Variants in PRDM10 observed in about 807,000 individuals in gnomAD.
The protein encoded by PRDM10 is PR domain zinc finger protein 10.
PRDM10 carries 65 observed loss-of-function variants against 133.1 expected under a neutral mutation model. The observed-to-expected ratio is 0.49, with a 90% CI of 0.40 to 0.60. The LOEUF (loss-of-function observed/expected upper bound fraction) is 0.60. Among genes scored for constraint, PRDM10 ranks in the 20% least tolerant of loss-of-function variants. The probability of loss-of-function intolerance (pLI) is 0.00; values close to 1 mark genes in which losing one functional copy is unlikely to be tolerated. For synonymous variants in PRDM10, 582 were observed against 580.4 expected (o/e 1.00, Z -0.04); for missense variants, 1,137 against 1,507.1 (o/e 0.75, Z 4.07).
chr11:129,987,816 C>T (rs1472754746), intron 1 of PRDM10, among the ~76,000 whole-genome samples: 3 of 152,122 alleles, frequency 2.0e-5, no homozygotes, highest in African/African-American at 7.2e-5. Context: ...CTGGCTAACA[C>T]GGTGAAACCT....
At chr11:129,914,582 GC>G in intron 17 of PRDM10, 121 bp downstream of exon 17, 1 of 1,348,866 alleles carries the variant, frequency 7.4e-7, no homozygotes, top group East Asian at 2.4e-5. Flanking sequence ...GTTGTAAAAT[GC>G]CCAAGGCTCA....
chr11:129,961,118 T>C, intron 1 of PRDM10, 36 bp from the exon 2 acceptor site: 1 of 543,276 alleles, frequency 1.8e-6, no homozygotes. Context: ...AGACTTTCAG[T>C]AGATAAATAC....
chr11:129,958,331 A>G (rs922895163), intron 2 of PRDM10, among the ~76,000 whole-genome samples: 4 of 152,222 alleles, frequency 2.6e-5, no homozygotes, highest in African/African-American at 9.6e-5. Context: ...AGTGTCTTTC[A>G]GCAGACACAT....
chr11:130,001,917 G>C (rs1939411675), intron 1 of PRDM10, among the ~76,000 whole-genome samples: 1 of 151,062 alleles, frequency 6.6e-6, no homozygotes, highest in Admixed American at 6.6e-5. Flanking sequence ...GCGGTGCCAC[G>C]GGACAGACCC....
At chr11:129,990,712 T>G (rs905712099) in intron 1 of PRDM10, among the ~76,000 whole-genome samples, 4 of 152,172 alleles carry the variant, frequency 2.6e-5, no homozygotes, top group African/African-American at 9.6e-5. Context: ...CTCAAAGTGA[T>G]CCTCCCACTT....
chr11:130,002,196 C>CGCGCCCGGA (rs1376042675), intron 1 of PRDM10, among the ~76,000 whole-genome samples: 2 of 147,774 alleles, frequency 1.4e-5, no homozygotes, highest in Non-Finnish European at 3.0e-5. Flanking sequence ...ACCTGCCCGC[C>CGCGCCCGGA]GCGCCCGGAG....
intron 9 of PRDM10, among the ~76,000 whole-genome samples, chr11:129,933,639 C>G (rs965056479): frequency 6.6e-6 from 1 of 152,132 alleles, no homozygotes; most frequent in Non-Finnish European, 1.5e-5. Context: ...GGGCTAGGCA[C>G]TAAGGACATC....
At chr11:129,955,975 T>C (rs777013023) in intron 3 of PRDM10, among the ~76,000 whole-genome samples, 19 of 152,194 alleles carry the variant, frequency 1.2e-4, no homozygotes, top group Admixed American at 3.3e-4. Flanking sequence ...TGGATGGAGA[T>C]AGACAGGCAT....
intron 13 of PRDM10, among the ~76,000 whole-genome samples, chr11:129,921,707 T>C (rs1950527720): frequency 6.6e-6 from 1 of 152,182 alleles, no homozygotes; most frequent in South Asian, 2.1e-4. Context: ...CCCAGCATGG[T>C]TCCGAGTTGG....
In PRDM10 at chr11:129,978,712, G is replaced by A. The variant is rs558920270; in HGVS notation, c.-118-17630C>T. Among the ~76,000 whole-genome samples the A allele has an allele frequency of 8.5e-5, 13 of 152,312 alleles. No homozygotes were observed. The East Asian group carries it at 1.9e-3, about 23-fold the overall frequency. On this transcript the variant is annotated intron_variant, in intron 1 of 20. Coordinates refer to ENST00000360871, the MANE Select transcript of PRDM10 (RefSeq NM_199437.2). ...CAGTAATGCCTCCTACTTTCCTTGT[G>A]CACAAAGGGCTGCAGAGACTATCAG... is the stretch of plus-strand genomic sequence containing the variant.
At position 129,957,736 on chromosome 11, in the gene PRDM10, C is replaced by T; in HGVS notation, c.234+10G>A. The T allele has an allele frequency of 6.2e-7, 1 of 1,600,562 alleles. No homozygotes were observed. Among genetic ancestry groups the T allele is most frequent in the African/African-American group, 1.3e-5 (1 of 74,504 alleles). Reference sequence around the variant, plus strand: ...ATTGACAAATTATCAACAGATAACCCTTCACATGCCTGTGCAGCTTCCACC... The same window carrying T: ...ATTGACAAATTATCAACAGATAACCTTTCACATGCCTGTGCAGCTTCCACC... On this transcript the variant is annotated intron_variant, in intron 3 of 20. Transcript: ENST00000360871.
Position 129,960,984 on chromosome 11 carries a change from T to C in PRDM10, c.-20A>G. 1 of 1,613,650 alleles carries C rather than the reference T, an allele frequency of 6.2e-7. No individual in the cohort carries two copies. The highest frequency in any genetic ancestry group is 8.5e-7 in the Non-Finnish European group (1 of 1,179,650). On this transcript the variant is annotated 5_prime_UTR_variant, in exon 2 of 21. Transcript: ENST00000360871. ...ATCCATCTTCTCCCAACTGGACAGCTCCACGTCTGGCACACCTAGAGCAGC... is the reference window on the plus strand; with the variant it reads ...ATCCATCTTCTCCCAACTGGACAGCCCCACGTCTGGCACACCTAGAGCAGC...
intron 1 of PRDM10, among the ~76,000 whole-genome samples, chr11:129,992,646 T>G (rs1295688835): frequency 6.6e-6 from 1 of 152,114 alleles, no homozygotes; most frequent in East Asian, 1.9e-4. Context: ...ACAAACAGAT[T>G]TAACTGAGCA....
At chr11:129,938,547 C>T (rs1951107426) in intron 7 of PRDM10, among the ~76,000 whole-genome samples, 1 of 152,172 alleles carries the variant, frequency 6.6e-6, no homozygotes, top group Admixed American at 6.5e-5. Flanking sequence ...CATGCCAAGA[C>T]CATTTCTTGC....
intron 1 of PRDM10, among the ~76,000 whole-genome samples, chr11:129,999,133 A>ATC (rs1245444176): frequency 6.6e-6 from 1 of 152,078 alleles, no homozygotes; most frequent in Non-Finnish European, 1.5e-5. Context: ...GTGTTATAAC[A>ATC]TTAAGAATAA....
chr11:129,982,289 C>T (rs74875087), intron 1 of PRDM10, among the ~76,000 whole-genome samples: 11,412 of 150,106 alleles, frequency 0.076, 791 homozygotes, highest in East Asian at 0.37. Flanking sequence ...TGTGTGCGCG[C>T]GTGTGTGTGT....
chr11:129,980,119 T>C (rs1281497588), intron 1 of PRDM10, among the ~76,000 whole-genome samples: 6 of 152,104 alleles, frequency 3.9e-5, no homozygotes, highest in Non-Finnish European at 7.4e-5. Flanking sequence ...TGCAACCACT[T>C]TGGAAAACAA....
chr11:129,987,175 T>C (rs1190495852), intron 1 of PRDM10, among the ~76,000 whole-genome samples: 1 of 152,206 alleles, frequency 6.6e-6, no homozygotes, highest in Non-Finnish European at 1.5e-5. Flanking sequence ...ATAATACTTT[T>C]ATTGGCCTCA....
chr11:129,921,344 T>G (rs1268235264), intron 13 of PRDM10, among the ~76,000 whole-genome samples: 2 of 151,952 alleles, frequency 1.3e-5, no homozygotes, highest in East Asian at 3.9e-4. Context: ...AGTTTGAAAA[T>G]GCATTTCAAG....
Sources: gnomAD v4.1 joint callset for allele counts (sites outside exome capture counted in the v4.1 genomes callset) on GRCh38, gnomAD v4.1.1 for gene constraint, MANE v1.5 for transcripts, NCBI Gene and HGNC (gene_info 2026-07-23, HGNC 2026-07-21) for gene names.